The following TTLL8 variants were observed in gnomAD, a reference collection of about 807,000 sequenced individuals.
TTLL8 encodes protein monoglycylase TTLL8.
TTLL8 carries 65 observed loss-of-function variants against 77.8 expected under a neutral mutation model. The observed-to-expected ratio is 0.84, with a 90% CI of 0.68 to 1.03. The LOEUF is 1.03. Ranked by LOEUF, TTLL8 falls within the 50% of genes least tolerant of loss-of-function variation. TTLL8 has a pLI of 0.00. For missense variants in TTLL8, 910 were observed against 1,004.5 expected (o/e 0.91, Z 1.27); for synonymous variants, 402 against 422.8 (o/e 0.95, Z 0.60).
At chr22:50,023,288 T>C (rs1338793900) in intron 12 of TTLL8, among the ~76,000 whole-genome samples, 1 of 152,220 alleles carries the variant, frequency 6.6e-6, no homozygotes, top group Non-Finnish European at 1.5e-5. Context: ...AGATACATCA[T>C]GTGCAGGGAT....
At chr22:50,049,992 C>G (rs1009095294) in intron 2 of TTLL8, 117 bp downstream of exon 4, 1 of 1,197,358 alleles carries the variant, frequency 8.4e-7, no homozygotes, top group African/African-American at 1.6e-5. Context: ...GTCGGAGATA[C>G]CCCATCACGC....
At chr22:50,045,477 C>T (rs2061403702) in intron 5 of TTLL8, 88 bp from the exon 8 acceptor site, 8 of 1,189,746 alleles carry the variant, frequency 6.7e-6, no homozygotes, top group South Asian at 1.2e-5. Flanking sequence ...CTCCCCAACC[C>T]GCCCCACTTC....
At chr22:50,055,119 G>C (rs1569235830), upstream of TTLL8, 2 of 1,178,920 alleles carry the variant, frequency 1.7e-6, no homozygotes, top group Non-Finnish European at 2.1e-6. Flanking sequence ...CAGGGAGGAG[G>C]CTGCAGCTCG....
In TTLL8 at chr22:50,044,502, C is replaced by A. The variant is rs1871737332; in HGVS notation, c.643+753G>T. Among the ~76,000 whole-genome samples, 1 of 152,198 alleles carries A rather than the reference C, an allele frequency of 6.6e-6. No homozygotes were observed. The highest frequency in any genetic ancestry group is 6.5e-5 in the Admixed American group (1 of 15,282). ...AATGAAGCCACCGCTCCAGCGTTCA[C>A]CAATCAGGATTTATTTCCTCTGTTT... On this transcript the variant is annotated intron_variant, in intron 6 of 13. Coordinates refer to ENST00000266182, the Ensembl canonical transcript of TTLL8. The surrounding 1 kb of genome is among the most constrained non-coding windows in gnomAD (Gnocchi z 4.2).
chr22:50,020,554 A>ATG (rs2061189082), intron 12 of TTLL8, among the ~76,000 whole-genome samples: 1 of 133,972 alleles, frequency 7.5e-6, no homozygotes, highest in Non-Finnish European at 1.6e-5. Flanking sequence ...TCCATCTGAC[A>ATG]TGCACTCCTC....
chr22:50,045,784 C>G, intron 5 of TTLL8, 72 bp downstream of exon 7: 2 of 1,273,352 alleles, frequency 1.6e-6, no homozygotes, highest in Non-Finnish European at 1.0e-6. Flanking sequence ...CAGTCTGTCT[C>G]AGCACCAGGG....
chr22:50,057,127 G>C (rs2061475143), upstream of TTLL8, among the ~76,000 whole-genome samples: 1 of 148,084 alleles, frequency 6.8e-6, no homozygotes. Context: ...ATGAGGTCTG[G>C]AGTTGGGAGG....
At chr22:50,033,751 G>A (rs1000431511) in intron 9 of TTLL8, among the ~76,000 whole-genome samples, 3 of 152,348 alleles carry the variant, frequency 2.0e-5, no homozygotes, top group Admixed American at 1.3e-4. Flanking sequence ...AGGGAGCCAG[G>A]AGGATGGGCA....
intron 12 of TTLL8, among the ~76,000 whole-genome samples, chr22:50,021,808 G>A (rs1371266486): frequency 7.1e-6 from 1 of 140,268 alleles, no homozygotes; most frequent in Non-Finnish European, 1.6e-5. Context: ...TCCTCCATCT[G>A]ACATGCACTC....
chr22:50,026,654 G>C (rs935250035), intron 12 of TTLL8, among the ~76,000 whole-genome samples: 1 of 152,256 alleles, frequency 6.6e-6, no homozygotes, highest in Non-Finnish European at 1.5e-5. Flanking sequence ...GAAGAGACTA[G>C]AAAAGGCAGG....
chr22:50,050,910 T>C (rs1183550331), intron 1 of TTLL8, among the ~76,000 whole-genome samples: 1 of 152,228 alleles, frequency 6.6e-6, no homozygotes, highest in African/African-American at 2.4e-5. Flanking sequence ...GGGAGCTCAG[T>C]TCTTAAGACG....
chr22:50,047,270 C>G, exon 4 of TTLL8: 1 of 1,367,616 alleles, frequency 7.3e-7, no homozygotes, highest in Non-Finnish European at 9.8e-7. Flanking sequence ...AGAGGAGGTA[C>G]GGCATCTCAT....
chr22:50,027,109 G>A (rs1347756249), intron 12 of TTLL8, among the ~76,000 whole-genome samples: 4 of 152,026 alleles, frequency 2.6e-5, no homozygotes, highest in Admixed American at 6.5e-5. Flanking sequence ...GGTGGTGCGC[G>A]CCTGTAGTCC....
At chr22:50,031,137 G>A (rs930327445) in intron 11 of TTLL8, among the ~76,000 whole-genome samples, 1 of 152,138 alleles carries the variant, frequency 6.6e-6, no homozygotes, top group South Asian at 2.1e-4. Flanking sequence ...AGGCTTGGGG[G>A]TCAGCCTGGG....
chr22:50,045,879 T>A, exon 5 of TTLL8: 1 of 1,357,306 alleles, frequency 7.4e-7, no homozygotes, highest in Non-Finnish European at 9.8e-7. Flanking sequence ...CTGCTCACTC[T>A]CGGTGCAGAG....
chr22:50,041,148 T>G lies in TTLL8; in HGVS notation c.921+39A>C. 2.6e-6 allele frequency: 1 copy of G among 390,714 alleles called. No homozygotes were observed. The highest frequency in any genetic ancestry group is 5.1e-6 in the Non-Finnish European group (1 of 197,210). 24.2% of individuals were successfully genotyped at this position (390,714 alleles called of 1,614,324 possible). ...GCCAGTCACTCACCAACACCAAGAG[T>G]GAGGCAGGTGCCCCAGTGGAGAGAC... On this transcript the variant is annotated intron_variant, in intron 8 of 13. Coordinates refer to ENST00000266182, the Ensembl canonical transcript of TTLL8. This position sits in a 1 kb window ranked among gnomAD's most constrained non-coding sequence, Gnocchi z 4.3.
intron 10 of TTLL8, among the ~76,000 whole-genome samples, chr22:50,032,744 C>T (rs1330451568): frequency 6.6e-6 from 1 of 152,204 alleles, no homozygotes; most frequent in East Asian, 1.9e-4. Context: ...TCGCTGTGTG[C>T]ACAGCACACT....
chr22:50,047,170 T>C (rs548509875), exon 4 of TTLL8: 1 of 1,367,406 alleles, frequency 7.3e-7, no homozygotes, highest in East Asian at 4.5e-5. Flanking sequence ...CGGCTCACCT[T>C]GGTGGTGAAG....
Position 50,030,680 on chromosome 22 carries a change from CAGCAA to C in TTLL8, c.1948_1952del (p.Leu650GlyfsTer?). On this transcript the variant is annotated frameshift_variant, in exon 12 of 14. Transcript: ENST00000266182. LOFTEE classifies it high-confidence loss of function. Reference sequence around the variant, plus strand: ...TCTCGGCTGCCCCCCTTAAGGGTGCCAGCAAGGCCAGGGGGAGCCCCTTCTCTTCC... The same window carrying C: ...TCTCGGCTGCCCCCCTTAAGGGTGCCGGCCAGGGGGAGCCCCTTCTCTTCC... 7 of 1,282,662 alleles carry C rather than the reference CAGCAA, an allele frequency of 5.5e-6. No individual in the cohort carries two copies. The highest frequency in any genetic ancestry group is 7.1e-6 in the Non-Finnish European group (7 of 981,648). The allele number at this position is 1,282,662 out of a possible 1,614,324, so 79.5% of individuals were successfully genotyped here.
Sources: allele counts gnomAD v4.1 joint callset (sites outside exome capture counted in the v4.1 genomes callset), GRCh38; gene constraint gnomAD v4.1.1; non-coding constraint Gnocchi (gnomAD v3.1); transcripts MANE v1.5; gene names NCBI Gene and HGNC (gene_info 2026-07-23, HGNC 2026-07-21).